Variants in MSH4 observed in about 807,000 individuals in gnomAD.
MSH4 encodes the protein mutS homolog 4.
In MSH4, 106 loss-of-function variants were observed where a neutral mutation model predicts 113.7. That is an observed-to-expected ratio of 0.93 (90% CI 0.80 to 1.10). MSH4 has a LOEUF of 1.10. MSH4 is among the 50% of genes least tolerant of loss of function. The pLI is 0.00. For missense variants in MSH4, 1,061 were observed against 1,093.7 expected (o/e 0.97, Z 0.42); for synonymous variants, 368 against 380.2 (o/e 0.97, Z 0.37).
At chr1:75,826,792 G>C (rs1285265238) in intron 7 of MSH4, among the ~76,000 whole-genome samples, 2 of 152,132 alleles carry the variant, frequency 1.3e-5, no homozygotes, top group Non-Finnish European at 2.9e-5. Context: ...TCTTAATCCT[G>C]AGTTCTAATT....
At position 75,815,146 on chromosome 1, in the gene MSH4, ATATT is replaced by A; in HGVS notation, c.815+20_815+23del. ...TGGAGGTTCAGTCCAAGTAAGTTAT[ATATT>A]TATTTATTTTTTTACTAGCCCACAG... is the stretch of plus-strand genomic sequence containing the variant. On this transcript the variant is annotated intron_variant, in intron 5 of 19. Coordinates refer to ENST00000263187, the MANE Select transcript of MSH4 (RefSeq NM_002440.4). 3 of 1,409,310 alleles carry A rather than the reference ATATT, an allele frequency of 2.1e-6. No individual in the cohort carries two copies. The highest frequency in any genetic ancestry group is 1.4e-5 in the South Asian group (1 of 73,740). The allele number at this position is 1,409,310 out of a possible 1,614,324, so 87.3% of individuals were successfully genotyped here.
chr1:75,909,178 A>G (rs750460447), intron 19 of MSH4, among the ~76,000 whole-genome samples: 3 of 152,022 alleles, frequency 2.0e-5, no homozygotes, highest in Non-Finnish European at 2.9e-5. Flanking sequence ...CTGGCTATCC[A>G]CCTCAATCTC....
intron 17 of MSH4, among the ~76,000 whole-genome samples, chr1:75,896,788 T>G (rs2100587484): frequency 6.6e-6 from 1 of 152,298 alleles, no homozygotes; most frequent in Admixed American, 6.5e-5. Flanking sequence ...GTCTACAAAG[T>G]TCCTCTAATA....
At chr1:75,898,127 TCTC>T in intron 18 of MSH4, 46 bp downstream of exon 18, 1 of 1,282,392 alleles carries the variant, frequency 7.8e-7, no homozygotes, top group Non-Finnish European at 1.0e-6. Context: ...TACTATATAT[TCTC>T]CTAAGACAAA....
At chr1:75,893,658 A>G (rs1311772964) in intron 17 of MSH4, among the ~76,000 whole-genome samples, 1 of 152,218 alleles carries the variant, frequency 6.6e-6, no homozygotes. Flanking sequence ...AAGGTGAGGT[A>G]CAAAATGTGA....
rs756243879 is a variant in MSH4 at position 75,878,178 on chromosome 1, C to G, written c.1400C>G (p.Thr467Arg). ...RFGIILEKIK[T>R]VINDDARYMK... ...GGAATCATACTTGAAAAGATTAAAACAGTAATTAATGATGATGCAAGATAC... is the reference window on the plus strand; with the variant it reads ...GGAATCATACTTGAAAAGATTAAAAGAGTAATTAATGATGATGCAAGATAC... The change falls in exon 11 of 20, where the codon ACA becomes AGA. Residue 467 changes from threonine (T) to arginine (R), a missense_variant. By Grantham distance (71) the Thr-to-Arg change is moderately conservative. Transcript: ENST00000263187. The G allele has an allele frequency of 1.2e-6, 2 of 1,604,062 alleles. No individual in the cohort carries two copies. Among genetic ancestry groups the G allele is most frequent in the Non-Finnish European group, 1.7e-6 (2 of 1,176,512 alleles).
At chr1:75,858,499 C>T (rs1224459520) in intron 8 of MSH4, among the ~76,000 whole-genome samples, 1 of 152,132 alleles carries the variant, frequency 6.6e-6, no homozygotes, top group South Asian at 2.1e-4. Flanking sequence ...TTCTGAAGGC[C>T]TTTTCTGCAT....
chr1:75,816,069 A>T (rs189112419), intron 5 of MSH4, among the ~76,000 whole-genome samples: 7 of 152,286 alleles, frequency 4.6e-5, no homozygotes, highest in African/African-American at 1.4e-4. Flanking sequence ...TTAGAATGGT[A>T]CATCAAAAAT....
At chr1:75,839,743 G>T (rs1650911093) in intron 7 of MSH4, among the ~76,000 whole-genome samples, 2 of 147,712 alleles carry the variant, frequency 1.4e-5, no homozygotes, top group African/African-American at 5.0e-5. Flanking sequence ...CCTACAAAAT[G>T]GGAGAAAATT....
At chr1:75,855,186 C>T (rs774803915) in intron 8 of MSH4, among the ~76,000 whole-genome samples, 1 of 152,042 alleles carries the variant, frequency 6.6e-6, no homozygotes, top group African/African-American at 2.4e-5. Flanking sequence ...CACAGGCATG[C>T]GCTACCACAC....
intron 7 of MSH4, among the ~76,000 whole-genome samples, chr1:75,827,357 A>G (rs1181154368): frequency 2.6e-5 from 4 of 152,152 alleles, no homozygotes; most frequent in Non-Finnish European, 5.9e-5. Flanking sequence ...TGGAAAGGAA[A>G]AACCAGTACC....
intron 13 of MSH4, among the ~76,000 whole-genome samples, chr1:75,880,696 G>A (rs574918577): frequency 6.6e-6 from 1 of 152,050 alleles, no homozygotes; most frequent in South Asian, 2.1e-4. Flanking sequence ...ATCTTTGCAA[G>A]AGAAAAACTT....
chr1:75,799,110 A>C (rs1649880715), intron 1 of MSH4, among the ~76,000 whole-genome samples: 1 of 152,216 alleles, frequency 6.6e-6, no homozygotes, highest in Non-Finnish European at 1.5e-5. Context: ...CCTTTAAAGC[A>C]ACATGAATGT....
At position 75,837,890 on chromosome 1, in the gene MSH4, G is replaced by T. The variant is rs568371132; in HGVS notation, c.1163-10319G>T. Among the ~76,000 whole-genome samples, 19 of 152,146 alleles carry T rather than the reference G, an allele frequency of 1.2e-4. No individual in the cohort carries two copies. The East Asian group carries it at 3.7e-3, about 29-fold the overall frequency. Reference sequence around the variant, plus strand: ...CCCCATGGCTGCCACTCCAGCCCAGGATACCTTAATTCTCTCATCTCATTT... The same window carrying T: ...CCCCATGGCTGCCACTCCAGCCCAGTATACCTTAATTCTCTCATCTCATTT... On this transcript the variant is annotated intron_variant, in intron 7 of 19. Coordinates refer to ENST00000263187, the MANE Select transcript of MSH4 (RefSeq NM_002440.4).
intron 17 of MSH4, among the ~76,000 whole-genome samples, chr1:75,894,009 C>A (rs1209325498): frequency 6.6e-6 from 1 of 152,102 alleles, no homozygotes. Flanking sequence ...CATTTAAGAT[C>A]ACTTACCCAT....
intron 7 of MSH4, among the ~76,000 whole-genome samples, chr1:75,841,873 A>G (rs7514912): frequency 0.21 from 31,505 of 152,140 alleles, 3,819 homozygotes; most frequent in African/African-American, 0.3. Flanking sequence ...ATATAACCGC[A>G]ATATATTCAG....
In MSH4 at chr1:75,881,334, C is replaced by T; in HGVS notation, c.1870C>T (p.Leu624=). 1 of 1,611,910 alleles carries T rather than the reference C, an allele frequency of 6.2e-7. No individual in the cohort carries two copies. The highest frequency in any genetic ancestry group is 1.1e-5 in the South Asian group (1 of 90,988). ...SDTVSMLDML[L]SFAHACTLSD... is the part of the protein sequence containing the mutation. ...CACTGTGTCAATGCTGGATATGCTA[C>T]TGTCATTTGCTCATGCCTGCACTCT... Residue 624 remains leucine (L), a synonymous_variant, in exon 14 of 20, where the codon CTG becomes TTG. Transcript: ENST00000263187.
chr1:75,811,674 A>T (rs5745359), intron 4 of MSH4, among the ~76,000 whole-genome samples: 2 of 152,220 alleles, frequency 1.3e-5, no homozygotes, highest in Non-Finnish European at 2.9e-5. Flanking sequence ...TCCAACAAGA[A>T]TGGGGGCTGT....
intron 9 of MSH4, among the ~76,000 whole-genome samples, chr1:75,874,291 C>A (rs188830268): frequency 1.3e-5 from 2 of 152,036 alleles, no homozygotes; most frequent in Non-Finnish European, 2.9e-5. Context: ...AAAACACTTT[C>A]TTGAACAGCG....
Sources: gnomAD v4.1 joint callset for allele counts (sites outside exome capture counted in the v4.1 genomes callset) on GRCh38, gnomAD v4.1.1 for gene constraint, MANE v1.5 for transcripts, NCBI Gene and HGNC (gene_info 2026-07-23, HGNC 2026-07-21) for gene names.